Variants in TNN observed in about 807,000 individuals in gnomAD.
TNN encodes tenascin N.
Under a neutral mutation model 134.4 loss-of-function variants are expected in TNN, and 122 were observed. That is an observed-to-expected ratio of 0.91 (90% CI 0.78 to 1.06). TNN has a LOEUF of 1.06. Ranked by LOEUF, TNN falls within the 50% of genes least tolerant of loss-of-function variation. The pLI, the probability that TNN is intolerant of heterozygous loss-of-function variation, is 0.00. For missense variants in TNN, 1,739 were observed against 1,699.4 expected (o/e 1.02, Z -0.41); for synonymous variants, 710 against 670.3 (o/e 1.06, Z -0.91).
At chr1:175,115,977 A>G (rs901410851) in intron 9 of TNN, among the ~76,000 whole-genome samples, 5 of 151,966 alleles carry the variant, frequency 3.3e-5, no homozygotes, top group Non-Finnish European at 7.4e-5. Context: ...CTATGTGGCC[A>G]TCCTGAGTTT....
intron 6 of TNN, among the ~76,000 whole-genome samples, chr1:175,088,112 G>A (rs4651308): frequency 0.033 from 4,992 of 152,212 alleles, 110 homozygotes; most frequent in Middle Eastern, 0.095. Context: ...TCATTATATA[G>A]GAATGATTGA....
intron 12 of TNN, 60 bp from the exon 13 acceptor site, chr1:175,126,895 A>G: frequency 6.5e-7 from 1 of 1,545,144 alleles, no homozygotes; most frequent in Non-Finnish European, 8.7e-7. Context: ...TGATGTCTCA[A>G]AAATTACCTT....
At chr1:175,140,362 G>T (rs1194109588) in intron 17 of TNN, among the ~76,000 whole-genome samples, 1 of 152,184 alleles carries the variant, frequency 6.6e-6, no homozygotes, top group Non-Finnish European at 1.5e-5. Flanking sequence ...AATATGAAGT[G>T]GGTGTTTTTC....
chr1:175,102,466 C>T lies in TNN; in HGVS notation c.2119+3871C>T, dbSNP rs533105416. Among the ~76,000 whole-genome samples the T allele has an allele frequency of 1.0e-4, 15 of 146,080 alleles. 4 individuals are homozygous for T. In the East Asian group the frequency reaches 1.8e-3, roughly 18 times the overall value. On this transcript the variant is annotated intron_variant, in intron 9 of 18. Transcript: ENST00000239462. ...GCCCGGCGGGAAGGCAGCTAAGGCTCGGCGAGAAATCGAGCGCAGTGCCGG... is the reference window on the plus strand; with the variant it reads ...GCCCGGCGGGAAGGCAGCTAAGGCTTGGCGAGAAATCGAGCGCAGTGCCGG...
intron 4 of TNN, among the ~76,000 whole-genome samples, chr1:175,081,136 C>A (rs1157859835): frequency 6.6e-6 from 1 of 152,198 alleles, no homozygotes; most frequent in Non-Finnish European, 1.5e-5. Context: ...GGTAAACAGG[C>A]AGACTCAATT....
rs1442386965 is a variant in TNN at position 175,098,461 on chromosome 1, G to GCTGGT, written c.1985_1986insCTGGT (p.Arg662SerfsTer16). The GCTGGT allele has an allele frequency of 6.2e-7, 1 of 1,614,200 alleles. No individual in the cohort carries two copies. Among genetic ancestry groups the GCTGGT allele is most frequent in the Admixed American group, 1.7e-5 (1 of 60,026 alleles). ...TACACCTCTGCTGGTGGAGAGACCA[G>GCTGGT]GGAGGTTCCGGTGGGGAAGGAGCAG... On this transcript the variant is annotated frameshift_variant, in exon 9 of 19. Transcript: ENST00000239462. LOFTEE classifies it high-confidence loss of function.
At chr1:175,131,981 T>A (rs1675686095) in intron 15 of TNN, among the ~76,000 whole-genome samples, 1 of 148,730 alleles carries the variant, frequency 6.7e-6, no homozygotes, top group South Asian at 2.1e-4. Context: ...CTATCAAGCT[T>A]GGGCACTGGG....
At chr1:175,127,975 G>C in intron 13 of TNN, 57 bp from the exon 14 acceptor site, 1 of 1,604,984 alleles carries the variant, frequency 6.2e-7, no homozygotes, top group Non-Finnish European at 8.5e-7. Context: ...GACACCTAGG[G>C]TGCTAGTGGG....
chr1:175,076,965 G>A (rs1283206878), intron 1 of TNN, among the ~76,000 whole-genome samples: 1 of 152,242 alleles, frequency 6.6e-6, no homozygotes, highest in African/African-American at 2.4e-5. Context: ...TTAGAATAGT[G>A]CCTGTCACAT....
chr1:175,085,509 G>C lies in TNN; in HGVS notation c.1324+15G>C. The C allele has an allele frequency of 6.5e-7, 1 of 1,546,376 alleles. No individual in the cohort carries two copies. The highest frequency in any genetic ancestry group is 8.9e-7 in the Non-Finnish European group (1 of 1,120,480). Reference sequence around the variant, plus strand: ...TGGCAGGACAGGTGAGAGCTACTTGGAGGCACTATGGGCATTTAATCATGT... The same window carrying C: ...TGGCAGGACAGGTGAGAGCTACTTGCAGGCACTATGGGCATTTAATCATGT... On this transcript the variant is annotated intron_variant, in intron 6 of 18. Coordinates refer to ENST00000239462, the MANE Select transcript of TNN (RefSeq NM_022093.2).
intron 18 of TNN, among the ~76,000 whole-genome samples, chr1:175,146,270 T>C (rs1676066948): frequency 6.6e-6 from 1 of 152,214 alleles, no homozygotes; most frequent in Admixed American, 6.5e-5. Context: ...AAGACATTCA[T>C]CTGTTTAATG....
Position 175,135,827 on chromosome 1 carries a change from A to T in TNN, c.3331-18A>T. ...TCTGTTTGGAGGGTCAGAGTGAAGTATTCATCTTCCTTCTCAGGTCTTCCA... is the reference window on the plus strand; with the variant it reads ...TCTGTTTGGAGGGTCAGAGTGAAGTTTTCATCTTCCTTCTCAGGTCTTCCA... On this transcript the variant is annotated intron_variant, in intron 15 of 18. Coordinates refer to ENST00000239462, the MANE Select transcript of TNN (RefSeq NM_022093.2). 1 of 1,598,830 alleles carries T rather than the reference A, an allele frequency of 6.3e-7. No individual in the cohort carries two copies.
chr1:175,097,727 TGGATTTGAATAGGTATGGTATCAAA>T (rs763818056), intron 8 of TNN, 44 bp downstream of exon 8: 4 of 1,611,512 alleles, frequency 2.5e-6, no homozygotes, highest in Non-Finnish European at 2.5e-6. Flanking sequence ...TTTTAGCTTG[TGGATTTGAATAGGTATGGTATCAAA>T]GGATGTGGCC....
chr1:175,146,839 T>C, intron 18 of TNN, 92 bp from the exon 19 acceptor site: 1 of 1,182,602 alleles, frequency 8.5e-7, no homozygotes, highest in Non-Finnish European at 1.1e-6. Flanking sequence ...CACTGGTAAT[T>C]AATTAATTAA....
At chr1:175,125,779 CTCT>C (rs1191003517) in intron 12 of TNN, among the ~76,000 whole-genome samples, 1 of 138,886 alleles carries the variant, frequency 7.2e-6, no homozygotes, top group African/African-American at 2.7e-5. Context: ...CTCCCTTTCT[CTCT>C]TCTTTTCTCT....
chr1:175,099,541 T>G (rs1674663264), intron 9 of TNN, among the ~76,000 whole-genome samples: 1 of 143,320 alleles, frequency 7.0e-6, no homozygotes, highest in Non-Finnish European at 1.5e-5. Flanking sequence ...AGGTGAGGCG[T>G]CAGTAAGAGG....
Position 175,128,612 on chromosome 1 carries a change from C to A in TNN, c.3196C>A (p.His1066Asn). 1 of 1,611,564 alleles carries A rather than the reference C, an allele frequency of 6.2e-7. No individual in the cohort carries two copies. Among genetic ancestry groups the A allele is most frequent in the Non-Finnish European group, 8.5e-7 (1 of 1,178,748 alleles). Residue 1066 changes from histidine to asparagine, a missense_variant, in exon 15 of 19, where the codon CAC becomes AAC. By Grantham distance (68) the His-to-Asn change is moderately conservative. Coordinates refer to ENST00000239462, the MANE Select transcript of TNN (RefSeq NM_022093.2). The part of the protein sequence containing the change: ...TLSTVGARFP[H>N]PSDCSQVQQN... ...GCTCCCAGTTGGTGCCCGTTTCCCA[C>A]ACCCTTCGGACTGCAGTCAGGTTCA...
intron 6 of TNN, among the ~76,000 whole-genome samples, chr1:175,086,641 G>A (rs1388678702): frequency 6.6e-6 from 1 of 152,216 alleles, no homozygotes; most frequent in Non-Finnish European, 1.5e-5. Context: ...AGAATAAGAG[G>A]TGAGATGTTG....
At position 175,116,993 on chromosome 1, in the gene TNN, CT is replaced by C. The variant is rs1675197693; in HGVS notation, c.2175del (p.Val726SerfsTer39). 31 of 1,614,236 alleles carry C rather than the reference CT, an allele frequency of 1.9e-5. No individual in the cohort carries two copies. Among genetic ancestry groups the C allele is most frequent in the Non-Finnish European group, 2.5e-5 (29 of 1,180,048 alleles). On this transcript the variant is annotated frameshift_variant, in exon 10 of 19. Transcript: ENST00000239462. LOFTEE classifies it high-confidence loss of function. Reference sequence around the variant, plus strand: ...GACCGGGTGACAGAGAATATGGCCACTGTCTCCTGGGACCCGGTGCGGGCCA... The same window carrying C: ...GACCGGGTGACAGAGAATATGGCCACGTCTCCTGGGACCCGGTGCGGGCCA... ...VTDRVTENMATVSWDPVRATI... is the reference protein window; with the variant it reads ...VTDRVTENMAXVSWDPVRATI...
Sources: allele counts gnomAD v4.1 joint callset (sites outside exome capture counted in the v4.1 genomes callset), GRCh38; gene constraint gnomAD v4.1.1; transcripts MANE v1.5; gene names NCBI Gene and HGNC (gene_info 2026-07-23, HGNC 2026-07-21).